DPH6: variants seen among roughly 807,000 people sequenced by gnomAD.
DPH6 encodes diphthine--ammonia ligase.
In DPH6, 33 loss-of-function variants were observed where a neutral mutation model predicts 38.2. The ratio of observed to expected loss-of-function variants is 0.86; its 90% CI spans 0.65 to 1.15. DPH6 has a LOEUF of 1.15. Ranked by LOEUF, DPH6 falls within the 50% of genes most tolerant of loss-of-function variation. DPH6 has a pLI of 0.00. For missense variants in DPH6, 325 were observed against 320.0 expected (o/e 1.02, Z -0.12); for synonymous variants, 108 against 103.0 (o/e 1.05, Z -0.30).
At chr15:35,506,837 T>C (rs562186998) in intron 3 of DPH6, among the ~76,000 whole-genome samples, 1 of 152,282 alleles carries the variant, frequency 6.6e-6, no homozygotes, top group African/African-American at 2.4e-5. Flanking sequence ...AAAGTACCTA[T>C]GGCAAAGGGT....
intron 3 of DPH6, among the ~76,000 whole-genome samples, chr15:35,316,014 T>C (rs1288918535): frequency 6.6e-6 from 1 of 151,986 alleles, no homozygotes; most frequent in African/African-American, 2.4e-5. Context: ...ATAGAGTAGA[T>C]TGGTGGTTAC....
intron 3 of DPH6, among the ~76,000 whole-genome samples, chr15:35,267,821 C>A (rs949164268): frequency 6.6e-6 from 1 of 152,188 alleles, no homozygotes; most frequent in African/African-American, 2.4e-5. Flanking sequence ...CCTAGTGCTA[C>A]CAATATAACC....
intron 3 of DPH6, among the ~76,000 whole-genome samples, chr15:35,253,690 TTTTAAGTACCC>T: frequency 6.6e-6 from 1 of 152,204 alleles, no homozygotes; most frequent in African/African-American, 2.4e-5. Flanking sequence ...TGACGCATCT[TTTTAAGTACCC>T]CTTCAAGCCT....
intron 6 of DPH6, among the ~76,000 whole-genome samples, chr15:35,388,226 C>T (rs1301506966): frequency 6.6e-6 from 1 of 152,162 alleles, no homozygotes; most frequent in Non-Finnish European, 1.5e-5. Flanking sequence ...TTTTGATGTG[C>T]TGCTGGATTC....
chr15:35,289,559 C>T (rs1016107795), intron 3 of DPH6, among the ~76,000 whole-genome samples: 1 of 152,178 alleles, frequency 6.6e-6, no homozygotes, highest in Non-Finnish European at 1.5e-5. Context: ...GAAAGAATCT[C>T]ATATTATTGT....
At chr15:35,268,169 CAAAA>C (rs1184894827) in intron 3 of DPH6, among the ~76,000 whole-genome samples, 40 of 112,996 alleles carry the variant, frequency 3.5e-4, no homozygotes, top group African/African-American at 1.1e-3. Context: ...GACTCTGTCT[CAAAA>C]AATAAATAAA....
At chr15:35,154,034 G>A in the DPH6 span, among the ~76,000 whole-genome samples, 20,572 of 152,162 alleles carry the variant, frequency 0.14, 1,783 homozygotes, top group East Asian at 0.35. Flanking sequence ...GAGGAAGGTA[G>A]CATCTGATAT....
rs999690799 is a variant in DPH6 at position 35,317,596 on chromosome 15, A to G, written n.200+55925T>C. On this transcript the variant is annotated intron_variant and non_coding_transcript_variant, in intron 3 of 3. Coordinates refer to the DPH6 transcript ENST00000560386. Reference sequence around the variant, plus strand: ...TAACATGAGTTCTGCTGGACAAAAAAAAAAAAGAAAAAAAGAAGATTCCAA... The same window carrying G: ...TAACATGAGTTCTGCTGGACAAAAAGAAAAAAGAAAAAAAGAAGATTCCAA... Among the ~76,000 whole-genome samples, 4 of 151,782 alleles carry G rather than the reference A, an allele frequency of 2.6e-5. No homozygotes were observed. The East Asian group carries it at 7.7e-4, about 29-fold the overall frequency.
chr15:35,395,097 T>TAGA (rs2053114277), intron 6 of DPH6, among the ~76,000 whole-genome samples: 2 of 152,224 alleles, frequency 1.3e-5, no homozygotes. Flanking sequence ...TTCTCAACCT[T>TAGA]GTTCTCTGCA....
intron 3 of DPH6, among the ~76,000 whole-genome samples, chr15:35,353,569 T>C (rs1238834316): frequency 6.6e-6 from 1 of 152,234 alleles, no homozygotes; most frequent in Non-Finnish European, 1.5e-5. Flanking sequence ...TTGTCAGATT[T>C]GTCAAAGATC....
the DPH6 span, among the ~76,000 whole-genome samples, chr15:35,198,057 T>C: frequency 6.6e-6 from 1 of 151,780 alleles, no homozygotes. Flanking sequence ...GCAAAACTAA[T>C]CTCAAGCCCT....
the DPH6 span, among the ~76,000 whole-genome samples, chr15:35,206,717 TAC>T: frequency 3.9e-5 from 6 of 152,240 alleles, no homozygotes; most frequent in Non-Finnish European, 8.8e-5. Context: ...ATTAAATGGA[TAC>T]ATGGTAACTA....
At chr15:35,367,824 T>C (rs1424068365), downstream of DPH6, among the ~76,000 whole-genome samples, 1 of 151,790 alleles carries the variant, frequency 6.6e-6, no homozygotes, top group African/African-American at 2.4e-5. Context: ...TTATTTTACA[T>C]TCTAGTTGCT....
chr15:35,456,918 T>C (rs2054004563), intron 3 of DPH6, among the ~76,000 whole-genome samples: 1 of 152,174 alleles, frequency 6.6e-6, no homozygotes, highest in African/African-American at 2.4e-5. Context: ...TCTCTGGAAT[T>C]ATCTTCTACT....
intron 3 of DPH6, among the ~76,000 whole-genome samples, chr15:35,534,138 G>C (rs893875696): frequency 2.6e-5 from 4 of 152,108 alleles, no homozygotes; most frequent in Non-Finnish European, 5.9e-5. Flanking sequence ...AACACTTAGG[G>C]AGGCCGAGGT....
intron 3 of DPH6, among the ~76,000 whole-genome samples, chr15:35,258,915 A>C (rs2051725368): frequency 6.6e-6 from 1 of 152,024 alleles, no homozygotes; most frequent in Admixed American, 6.6e-5. Flanking sequence ...TTGGGCGGCC[A>C]AGATGGGCAG....
At chr15:35,424,452 AT>A (rs199555714) in intron 5 of DPH6, among the ~76,000 whole-genome samples, 50,864 of 147,692 alleles carry the variant, frequency 0.34, 10,120 homozygotes, top group African/African-American at 0.57. Context: ...TTCTAACAGG[AT>A]TTTTTTTTTT....
chr15:35,178,556 G>A, the DPH6 span, among the ~76,000 whole-genome samples: 1 of 152,124 alleles, frequency 6.6e-6, no homozygotes, highest in African/African-American at 2.4e-5. Flanking sequence ...GGGAATTATG[G>A]GAGCAACAAT....
chr15:35,312,236 A>C (rs1420175590), intron 3 of DPH6, among the ~76,000 whole-genome samples: 1 of 152,242 alleles, frequency 6.6e-6, no homozygotes, highest in African/African-American at 2.4e-5. Flanking sequence ...CTGAAGAATA[A>C]GAAATTATTT....
Sources: gnomAD v4.1 joint callset for allele counts (sites outside exome capture counted in the v4.1 genomes callset) on GRCh38, gnomAD v4.1.1 for gene constraint, MANE v1.5 for transcripts, NCBI Gene and HGNC (gene_info 2026-07-23, HGNC 2026-07-21) for gene names.